Variants in ZNF385D observed in about 807,000 individuals in gnomAD.
The protein encoded by ZNF385D is zinc finger protein 659.
ZNF385D carries 15 observed loss-of-function variants against 35.8 expected under a neutral mutation model. That is an observed-to-expected ratio of 0.42 (90% CI 0.28 to 0.64). ZNF385D has a LOEUF of 0.64. ZNF385D is among the 30% of genes least tolerant of loss of function. The probability of loss-of-function intolerance (pLI) is 0.23; values close to 1 mark genes in which losing one functional copy is unlikely to be tolerated. For synonymous variants in ZNF385D, 212 were observed against 186.8 expected, an observed-to-expected ratio of 1.13 and a Z score of -1.10; for missense variants, 474 against 494.6, an observed-to-expected ratio of 0.96 and a Z score of 0.39.
At chr3:21,546,203 G>T (rs1007190792) in intron 3 of ZNF385D, among the ~76,000 whole-genome samples, 9 of 152,004 alleles carry the variant, frequency 5.9e-5, no homozygotes, top group Admixed American at 1.3e-4. Flanking sequence ...CACTAACCCT[G>T]CTTGTTCCTG....
At chr3:22,165,362 G>A (rs1706245472) in intron 3 of ZNF385D, among the ~76,000 whole-genome samples, 1 of 152,162 alleles carries the variant, frequency 6.6e-6, no homozygotes. Flanking sequence ...TCTTTGTCAA[G>A]CACCGGTCTG....
chr3:21,854,760 C>T (rs1337676515), intron 3 of ZNF385D, among the ~76,000 whole-genome samples: 1 of 151,838 alleles, frequency 6.6e-6, no homozygotes, highest in Admixed American at 6.6e-5. Context: ...ATTTAATAGG[C>T]ACTTAATAAA....
At chr3:21,940,593 T>A (rs907993725) in intron 3 of ZNF385D, among the ~76,000 whole-genome samples, 2 of 152,184 alleles carry the variant, frequency 1.3e-5, no homozygotes, top group Non-Finnish European at 2.9e-5. Context: ...ACCTAGTCTA[T>A]ATGCTATCAA....
At chr3:21,729,334 T>C (rs2068895687) in intron 1 of ZNF385D, among the ~76,000 whole-genome samples, 1 of 152,188 alleles carries the variant, frequency 6.6e-6, no homozygotes, top group South Asian at 2.1e-4. Context: ...TGCTAGTCTT[T>C]GGCTAAAAGG....
chr3:21,782,596 G>T (rs1222765256), intron 3 of ZNF385D, among the ~76,000 whole-genome samples: 1 of 152,032 alleles, frequency 6.6e-6, no homozygotes, highest in Admixed American at 6.5e-5. Flanking sequence ...CTATCTCCGT[G>T]CTTTGAACAG....
At chr3:21,593,793 T>A (rs925893284) in intron 2 of ZNF385D, among the ~76,000 whole-genome samples, 18 of 149,510 alleles carry the variant, frequency 1.2e-4, no homozygotes, top group African/African-American at 4.2e-4. Context: ...AAAAAAAAAA[T>A]AAGCTAGCCC....
chr3:22,078,100 T>C lies in ZNF385D; in HGVS notation c.325+90717A>G, dbSNP rs530418707. Reference sequence around the variant, plus strand: ...TACCATTTTAGTTTCCCCGGATTCCTTCTCATGAATGCTAAAAGCATGGGA... The same window carrying C: ...TACCATTTTAGTTTCCCCGGATTCCCTCTCATGAATGCTAAAAGCATGGGA... On this transcript the variant is annotated intron_variant, in intron 3 of 5. Coordinates refer to the ZNF385D transcript ENST00000494108. 4.6e-5 allele frequency among the ~76,000 whole-genome samples: 7 copies of C among 152,192 alleles called. No individual in the cohort carries two copies. In the South Asian group the frequency reaches 1.5e-3, roughly 32 times the overall value.
At chr3:21,973,656 T>C (rs1255767182) in intron 3 of ZNF385D, among the ~76,000 whole-genome samples, 2 of 152,018 alleles carry the variant, frequency 1.3e-5, no homozygotes, top group Non-Finnish European at 2.9e-5. Flanking sequence ...GCAGATGATA[T>C]GATTTTATAT....
intron 3 of ZNF385D, among the ~76,000 whole-genome samples, chr3:21,991,154 G>A (rs960781626): frequency 9.9e-5 from 15 of 152,152 alleles, no homozygotes; most frequent in Admixed American, 8.5e-4. Flanking sequence ...TGCTGTCAGT[G>A]TTTTATGCAT....
chr3:21,593,495 A>G (rs867379361), intron 2 of ZNF385D, among the ~76,000 whole-genome samples: 6 of 152,162 alleles, frequency 3.9e-5, no homozygotes, highest in South Asian at 4.1e-4. Flanking sequence ...CGAGTTTTAA[A>G]AAGAGAAGGC....
At chr3:22,015,604 T>C (rs1259095647) in intron 3 of ZNF385D, among the ~76,000 whole-genome samples, 1 of 152,142 alleles carries the variant, frequency 6.6e-6, no homozygotes, top group Non-Finnish European at 1.5e-5. Flanking sequence ...ATTTCAGCTG[T>C]GAATTCTCAT....
intron 2 of ZNF385D, among the ~76,000 whole-genome samples, chr3:22,359,784 T>G (rs1161188402): frequency 6.6e-6 from 1 of 151,956 alleles, no homozygotes; most frequent in Non-Finnish European, 1.5e-5. Context: ...TATGTCTCAT[T>G]GGTAAGGAAA....
At chr3:22,018,436 C>T (rs776914675) in intron 3 of ZNF385D, among the ~76,000 whole-genome samples, 1 of 151,814 alleles carries the variant, frequency 6.6e-6, no homozygotes, top group Non-Finnish European at 1.5e-5. Flanking sequence ...CATGTACCTT[C>T]AAAGATATTA....
At chr3:21,806,264 G>A (rs911952792) in intron 3 of ZNF385D, among the ~76,000 whole-genome samples, 2 of 136,088 alleles carry the variant, frequency 1.5e-5, no homozygotes, top group African/African-American at 5.6e-5. Flanking sequence ...AACTCTTTTT[G>A]TATTTGGTAC....
chr3:21,713,532 A>T (rs778990961), intron 1 of ZNF385D, among the ~76,000 whole-genome samples: 1 of 151,932 alleles, frequency 6.6e-6, no homozygotes, highest in Non-Finnish European at 1.5e-5. Context: ...TTCAAATTTC[A>T]TATCCTCCAA....
chr3:22,171,825 C>G (rs809661), intron 2 of ZNF385D, among the ~76,000 whole-genome samples: 1 of 144,258 alleles, frequency 6.9e-6, no homozygotes, highest in African/African-American at 2.6e-5. Flanking sequence ...TGCAGTGAGC[C>G]GAGATCACGC....
intron 2 of ZNF385D, among the ~76,000 whole-genome samples, chr3:22,350,926 G>A (rs1008591928): frequency 6.6e-6 from 1 of 151,940 alleles, no homozygotes; most frequent in African/African-American, 2.4e-5. Context: ...TCACTTCACT[G>A]ATGAAGAAAC....
intron 3 of ZNF385D, among the ~76,000 whole-genome samples, chr3:21,916,261 ATT>A (rs1325599168): frequency 6.6e-6 from 1 of 152,132 alleles, no homozygotes; most frequent in Non-Finnish European, 1.5e-5. Flanking sequence ...TTCTAGATAG[ATT>A]TTGTCAATTT....
At chr3:22,105,730 T>C (rs1011585235) in intron 3 of ZNF385D, among the ~76,000 whole-genome samples, 24 of 152,224 alleles carry the variant, frequency 1.6e-4, no homozygotes, top group Middle Eastern at 3.4e-3. Flanking sequence ...TCCTCAATGA[T>C]TGGGTGATGC....
Sources: allele counts gnomAD v4.1 joint callset (sites outside exome capture counted in the v4.1 genomes callset), GRCh38; gene constraint gnomAD v4.1.1; transcripts MANE v1.5; gene names NCBI Gene and HGNC (gene_info 2026-07-23, HGNC 2026-07-21).